Variants in MEP1B observed in about 807,000 individuals in gnomAD.
MEP1B encodes N-benzoyl-L-tyrosyl-P-amino-benzoic acid hydrolase subunit beta.
Under a neutral mutation model 84.6 loss-of-function variants are expected in MEP1B, and 80 were observed. The observed-to-expected ratio is 0.95, with a 90% CI of 0.79 to 1.14. MEP1B has a LOEUF of 1.14. MEP1B is among the 50% of genes most tolerant of loss of function. The pLI, the probability that MEP1B is intolerant of heterozygous loss-of-function variation, is 0.00. For missense variants in MEP1B, 766 were observed against 855.1 expected (o/e 0.90, Z 1.30); for synonymous variants, 273 against 288.1 (o/e 0.95, Z 0.53).
At chr18:32,199,242 G>A (rs1561816) in intron 5 of MEP1B, among the ~76,000 whole-genome samples, 57,688 of 152,092 alleles carry the variant, frequency 0.38, 11,320 homozygotes, top group African/African-American at 0.47. Flanking sequence ...GGTTGAAGCC[G>A]TGAGTATGGA....
rs1261182604 is a variant in MEP1B, at chr18:32,196,680, C to T, written c.250+1195C>T. ...TCGGGGTGTCTTCCCCAAGCACCAG[C>T]GCATGAGGTAGTGGGCGCCCTGCAG... is the stretch of plus-strand genomic sequence containing the variant. On this transcript the variant is annotated intron_variant, in intron 5 of 14. Coordinates refer to ENST00000269202, the MANE Select transcript of MEP1B (RefSeq NM_005925.3). This position sits in a 1 kb window ranked among gnomAD's most constrained non-coding sequence, Gnocchi z 4.4. The T allele has an allele frequency of 1.8e-5, 12 of 658,428 alleles. No homozygotes were observed. The highest frequency in any genetic ancestry group is 7.9e-5 in the East Asian group (3 of 37,948). The allele number at this position is 658,428 out of a possible 1,614,324, so 40.8% of individuals were successfully genotyped here.
At chr18:32,214,278 A>G (rs2041060490) in intron 11 of MEP1B, among the ~76,000 whole-genome samples, 1 of 152,188 alleles carries the variant, frequency 6.6e-6, no homozygotes, top group Non-Finnish European at 1.5e-5. Flanking sequence ...AACCCACTGA[A>G]AGCAAAGATC....
At chr18:32,205,773 T>A (rs1248663842) in intron 7 of MEP1B, among the ~76,000 whole-genome samples, 1 of 152,190 alleles carries the variant, frequency 6.6e-6, no homozygotes, top group Non-Finnish European at 1.5e-5. Flanking sequence ...ATTTTTGTTT[T>A]TTATTATTAT....
Position 32,202,968 on chromosome 18 carries a change from G to C in MEP1B, c.326G>C (p.Trp109Ser). 6.2e-7 allele frequency: 1 copy of C among 1,612,318 alleles called. No homozygotes were observed. The highest frequency in any genetic ancestry group is 1.1e-5 in the South Asian group (1 of 90,538). The stretch of plus-strand genomic sequence containing the variant: ...AAAACATGTATTGACTTTAAGCCTT[G>C]GGCTGGAGAAACAAACTATATATCA... ...RLKTCIDFKP[W>S]AGETNYISVF... The change falls in exon 6 of 15, where the codon TGG becomes TCG. Residue 109 changes from tryptophan to serine, a missense_variant. Trp to Ser is a radical substitution (Grantham distance 177, BLOSUM62 -3). Coordinates refer to ENST00000269202, the MANE Select transcript of MEP1B (RefSeq NM_005925.3).
chr18:32,215,117 G>A lies in MEP1B; in HGVS notation c.1615G>A (p.Val539Met), dbSNP rs139204292. The change falls in exon 12 of 15, where the codon GTG (valine) becomes ATG (methionine). Residue 539 changes from valine (V) to methionine (M), a missense_variant. Val to Met is a conservative substitution (Grantham distance 21). Transcript: ENST00000269202. The part of the protein sequence containing the change: ...GNYFWDRPSK[V>M]GTVALFSNGT... ...CTATTTCTGGGACAGGCCTTCTAAA[G>A]TGGGAACAGTGGCTTTGTTCTCTAA... 3.9e-5 allele frequency: 63 copies of A among 1,603,378 alleles called. No homozygotes were observed. In the African/African-American group the frequency reaches 6.9e-4, roughly 17 times the overall value.
chr18:32,213,089 T>C, intron 10 of MEP1B, 27 bp from the exon 11 acceptor site: 1 of 1,598,186 alleles, frequency 6.3e-7, no homozygotes, highest in South Asian at 1.1e-5. Context: ...CTTCTTTGTC[T>C]TTGAAATAAT....
intron 11 of MEP1B, among the ~76,000 whole-genome samples, chr18:32,213,891 TG>T (rs1309254375): frequency 6.6e-6 from 1 of 152,204 alleles, no homozygotes; most frequent in Admixed American, 6.5e-5. Context: ...TCATTAGTTA[TG>T]TAATCTTGAG....
intron 14 of MEP1B, among the ~76,000 whole-genome samples, chr18:32,218,743 C>T (rs930707251): frequency 2.1e-4 from 32 of 151,998 alleles, no homozygotes; most frequent in African/African-American, 6.8e-4. Flanking sequence ...CGTCCTGAAT[C>T]GAGGGAGGGG....
intron 2 of MEP1B, 147 bp from the exon 3 acceptor site, chr18:32,192,499 T>C (rs1212309613): frequency 1.4e-6 from 1 of 711,640 alleles, no homozygotes; most frequent in Non-Finnish European, 2.4e-6. Flanking sequence ...AATCAATCAA[T>C]CAATCAATCA....
chr18:32,194,724 C>CG lies in MEP1B; in HGVS notation c.172-682dup, dbSNP rs555571435. On this transcript the variant is annotated intron_variant, in intron 4 of 14. Transcript: ENST00000269202. ...CCCTTAAATATCATCCCTTCATAGACGACTGTCCTGATCACTCCATCTCAT... is the reference window on the plus strand; with the variant it reads ...CCCTTAAATATCATCCCTTCATAGACGGACTGTCCTGATCACTCCATCTCAT... Among the ~76,000 whole-genome samples the CG allele has an allele frequency of 4.6e-5, 7 of 152,274 alleles. No homozygotes were observed. The South Asian group carries it at 1.5e-3, about 32-fold the overall frequency.
rs772483028 is a variant in MEP1B at position 32,210,555 on chromosome 18, C to T, written c.974C>T (p.Ala325Val). 6.2e-7 allele frequency: 1 copy of T among 1,614,006 alleles called. No homozygotes were observed. Among genetic ancestry groups the T allele is most frequent in the South Asian group, 1.1e-5 (1 of 91,088 alleles). ...DSSSVNVGAT[A>V]VLESRTLYPK... ...AGCTCTGTAAATGTGGGGGCCACAG[C>T]AGTGCTGGAAAGTAGAACGCTGTAC... The change falls in exon 10 of 15, where the codon GCA (alanine) becomes GTA (valine). Residue 325 changes from alanine to valine, a missense_variant. Ala to Val is a moderately conservative substitution (Grantham distance 64). Transcript: ENST00000269202.
In MEP1B at chr18:32,190,041, A is replaced by G; in HGVS notation, c.-30A>G. The G allele has an allele frequency of 1.3e-6, 2 of 1,584,408 alleles. No homozygotes were observed. Among genetic ancestry groups the G allele is most frequent in the Non-Finnish European group, 1.7e-6 (2 of 1,154,558 alleles). Reference sequence around the variant, plus strand: ...AAGTCAATTCAACCCTGAATGTCATAGTTAGCTACTTTCAACTGGAAGCTA... The same window carrying G: ...AAGTCAATTCAACCCTGAATGTCATGGTTAGCTACTTTCAACTGGAAGCTA... On this transcript the variant is annotated 5_prime_UTR_variant, in exon 1 of 15. In the 5' UTR this introduces an upstream ATG that the reference lacks. Coordinates refer to ENST00000269202, the MANE Select transcript of MEP1B (RefSeq NM_005925.3).
intron 6 of MEP1B, 26 bp downstream of exon 6, chr18:32,203,036 GGC>G: frequency 9.5e-6 from 13 of 1,366,140 alleles, no homozygotes; most frequent in Non-Finnish European, 1.2e-5. Context: ...AGTCTTCTAA[GGC>G]ATCTAAGGAG....
In MEP1B at chr18:32,196,990, C is replaced by T; in HGVS notation, c.250+1505C>T. On this transcript the variant is annotated intron_variant, in intron 5 of 14. Coordinates refer to ENST00000269202, the MANE Select transcript of MEP1B (RefSeq NM_005925.3). The surrounding 1 kb of genome is among the most constrained non-coding windows in gnomAD (Gnocchi z 4.4). ...CAGGGAGCCAGTCTTTATTTTAAAG[C>T]AGTGGTTTACCCTATGATCAATTAT... 1 of 223,754 alleles carries T rather than the reference C, an allele frequency of 4.5e-6. No homozygotes were observed. The highest frequency in any genetic ancestry group is 8.8e-6 in the Non-Finnish European group (1 of 113,440). 13.9% of individuals were successfully genotyped at this position (223,754 alleles called of 1,614,324 possible). A position where few individuals can be genotyped will look rare whatever the true frequency, so the allele number is the denominator to read the frequency against.
chr18:32,195,284 A>G, intron 4 of MEP1B, 123 bp from the exon 5 acceptor site: 2 of 645,914 alleles, frequency 3.1e-6, no homozygotes, highest in Non-Finnish European at 5.6e-6. Flanking sequence ...ACACACACAC[A>G]CACACAATTT....
chr18:32,203,830 C>T (rs1346027883), intron 6 of MEP1B, among the ~76,000 whole-genome samples: 2 of 151,910 alleles, frequency 1.3e-5, no homozygotes, highest in African/African-American at 4.8e-5. Context: ...AAGCAGGAGC[C>T]AGAGAAAGAG....
In MEP1B at chr18:32,217,955, C is replaced by T; in HGVS notation, c.2081C>T (p.Thr694Ile). ...ATGAGCTCAAATCGACCAAATTTGACTCCGCAAAATGTAAGTTGAGGCTGA... is the reference window on the plus strand; with the variant it reads ...ATGAGCTCAAATCGACCAAATTTGATTCCGCAAAATGTAAGTTGAGGCTGA... ...ERMSSNRPNL[T>I]PQNQHAF is the part of the protein sequence containing the mutation. Residue 694 changes from threonine to isoleucine, a missense_variant, in exon 14 of 15, where the codon ACT (threonine) becomes ATT (isoleucine). By Grantham distance (89) the Thr-to-Ile change is moderately conservative (BLOSUM62 -1). Transcript: ENST00000269202. 6.2e-7 allele frequency: 1 copy of T among 1,613,816 alleles called. No individual in the cohort carries two copies. Among genetic ancestry groups the T allele is most frequent in the South Asian group, 1.1e-5 (1 of 91,060 alleles).
chr18:32,208,241 A>T lies in MEP1B; in HGVS notation c.889A>T (p.Ser297Cys), dbSNP rs1368693447. The change falls in exon 9 of 15, where the codon AGT becomes TGT. Residue 297 changes from serine to cysteine, a missense_variant. Ser to Cys is a moderately radical substitution (Grantham distance 112). Coordinates refer to ENST00000269202, the MANE Select transcript of MEP1B (RefSeq NM_005925.3). ...RVSQVPRGPESDHSNMGQCQG... is the reference protein window; with the variant it reads ...RVSQVPRGPECDHSNMGQCQG... The stretch of plus-strand genomic sequence containing the variant: ...TTCACAGGTTCCCAGGGGGCCAGAG[A>T]GTGATCACTCCAACATGGGCCAGTG... 1.2e-6 allele frequency: 2 copies of T among 1,613,736 alleles called. No individual in the cohort carries two copies. The highest frequency in any genetic ancestry group is 1.7e-5 in the Admixed American group (1 of 59,998).
chr18:32,211,825 A>C (rs969487109), intron 10 of MEP1B, among the ~76,000 whole-genome samples: 9 of 152,230 alleles, frequency 5.9e-5, no homozygotes, highest in African/African-American at 2.2e-4. Context: ...TGAATTGAGT[A>C]ATTCAATTTG....
Sources: gnomAD v4.1 joint callset for allele counts (sites outside exome capture counted in the v4.1 genomes callset) on GRCh38, gnomAD v4.1.1 for gene constraint, Gnocchi (gnomAD v3.1) non-coding constraint, MANE v1.5 for transcripts, NCBI Gene and HGNC (gene_info 2026-07-23, HGNC 2026-07-21) for gene names.